The following UBN2 variants were observed in gnomAD, a reference collection of about 807,000 sequenced individuals.
The protein encoded by UBN2 is ubinuclein-2.
Under a neutral mutation model 120.2 loss-of-function variants are expected in UBN2, and 35 were observed. That is an observed-to-expected ratio of 0.29 (90% CI 0.22 to 0.39). The LOEUF (loss-of-function observed/expected upper bound fraction) is 0.39. Among genes scored for constraint, UBN2 ranks in the 10% least tolerant of loss-of-function variants. The pLI is 1.00. For synonymous variants in UBN2, 661 were observed against 648.7 expected (o/e 1.02, Z -0.29); for missense variants, 1,693 against 1,663.2 (o/e 1.02, Z -0.31).
chr7:139,314,234 A>C, the UBN2 span, among the ~76,000 whole-genome samples: 1 of 150,128 alleles, frequency 6.7e-6, no homozygotes, highest in African/African-American at 2.4e-5. Context: ...AGGCAGGCGG[A>C]TCACAAGGTC....
At chr7:139,265,526 C>A (rs768717515) in intron 6 of UBN2, among the ~76,000 whole-genome samples, 35 of 152,082 alleles carry the variant, frequency 2.3e-4, no homozygotes, top group Non-Finnish European at 4.1e-4. Flanking sequence ...TATCCATATT[C>A]TAATCCTTGG....
Position 139,305,359 on chromosome 7 carries a change from G to A in UBN2, c.*7523G>A, listed in dbSNP as rs542217386. 5 of 152,280 alleles carry A rather than the reference G, an allele frequency of 3.3e-5. No individual in the cohort carries two copies. In the East Asian group the frequency reaches 9.6e-4, roughly 29 times the overall value. 9.4% of individuals were successfully genotyped at this position (152,280 alleles called of 1,614,324 possible). On this transcript the variant is annotated 3_prime_UTR_variant, in exon 18 of 18. Transcript: ENST00000473989. ...CACTCACTCTGGCAACCTATCCTGT[G>A]TCCCCATAGAACTGAGAAGTAAAGC...
chr7:139,259,433 A>G, intron 5 of UBN2, 63 bp downstream of exon 5: 1 of 1,586,340 alleles, frequency 6.3e-7, no homozygotes, highest in East Asian at 2.2e-5. Flanking sequence ...TCCCTTTAGA[A>G]AGATATACTT....
At position 139,237,040 on chromosome 7, in the gene UBN2, T is replaced by A. The variant is rs937837491; in HGVS notation, c.504T>A (p.Asp168Glu). Residue 168 changes from aspartate (D) to glutamate (E), a missense_variant, in exon 2 of 18, where the codon GAT becomes GAA. Around this residue, in one of 5 missense-constraint regions of UBN2, gnomAD observed 663 missense variants for 591.2 expected, o/e 1.12. Transcript: ENST00000473989. Reference sequence around the variant, plus strand: ...TTCACACAGAAGACCCATTTAATGATGAACATCAGGAGAGGCAAGAGGTGG... The same window carrying A: ...TTCACACAGAAGACCCATTTAATGAAGAACATCAGGAGAGGCAAGAGGTGG... Reference protein sequence around the residue: ...KLIHTEDPFNDEHQERQEVEM... With the variant: ...KLIHTEDPFNEEHQERQEVEM... The A allele has an allele frequency of 1.9e-6, 3 of 1,611,196 alleles. No homozygotes were observed. Among genetic ancestry groups the A allele is most frequent in the Admixed American group, 1.7e-5 (1 of 59,854 alleles).
At chr7:139,263,841 T>C (rs529703200) in intron 6 of UBN2, among the ~76,000 whole-genome samples, 90 of 152,266 alleles carry the variant, frequency 5.9e-4, no homozygotes, top group African/African-American at 2.0e-3. Context: ...ATGACATTTT[T>C]GTTTATATAC....
intron 13 of UBN2, among the ~76,000 whole-genome samples, chr7:139,280,717 C>T (rs530571190): frequency 6.6e-6 from 1 of 152,328 alleles, no homozygotes; most frequent in African/African-American, 2.4e-5. Context: ...GCGATCTCGG[C>T]TCACTGCAAC....
chr7:139,268,292 ATT>A (rs200304205), intron 7 of UBN2, among the ~76,000 whole-genome samples: 1 of 149,958 alleles, frequency 6.7e-6, no homozygotes, highest in African/African-American at 2.4e-5. Flanking sequence ...TCTGAGTTGA[ATT>A]TTTTTTTTCC....
At chr7:139,317,471 A>G in the UBN2 span, among the ~76,000 whole-genome samples, 3 of 151,716 alleles carry the variant, frequency 2.0e-5, no homozygotes, top group Admixed American at 1.3e-4. Context: ...ATTTTTTAAT[A>G]CGTTCTCTTA....
chr7:139,274,688 A>C (rs1339532477), intron 11 of UBN2, among the ~76,000 whole-genome samples: 1 of 151,680 alleles, frequency 6.6e-6, no homozygotes, highest in Admixed American at 6.6e-5. Context: ...CTTGAACCCC[A>C]GAGGTGGAGG....
rs769147515 is a variant in UBN2 at position 139,258,467 on chromosome 7, CTT to C, written c.664-16_664-15del. On this transcript the variant is annotated intron_variant, in intron 3 of 17. Transcript: ENST00000473989. ...TAAAGACAACAGGATATAGCGGAAA[CTT>C]TTTTGTTTTTTAATCTAGTATGATG... 4 of 1,533,140 alleles carry C rather than the reference CTT, an allele frequency of 2.6e-6. No individual in the cohort carries two copies. Among genetic ancestry groups the C allele is most frequent in the African/African-American group, 1.4e-5 (1 of 71,666 alleles). 95.0% of individuals were successfully genotyped at this position (1,533,140 alleles called of 1,614,324 possible). A position where few individuals can be genotyped will look rare whatever the true frequency, so the allele number is the denominator to read the frequency against.
rs756899864 is a variant in UBN2, at chr7:139,293,911, A to G, written c.3924A>G (p.Pro1308=). 2.5e-6 allele frequency: 4 copies of G among 1,614,164 alleles called. No individual in the cohort carries two copies. In the South Asian group the frequency reaches 3.3e-5, roughly 13 times the overall value. The change falls in exon 17 of 18, where the codon CCA becomes CCG. Residue 1308 remains proline, a synonymous_variant. Coordinates refer to ENST00000473989, the MANE Select transcript of UBN2 (RefSeq NM_173569.4). ...CAGATTTACTAAAGGGTTTACAGCCAGGAGGAGCTCAGCATGCAGCAACGC... is the reference window on the plus strand; with the variant it reads ...CAGATTTACTAAAGGGTTTACAGCCGGGAGGAGCTCAGCATGCAGCAACGC... ...LTQNLLKGLQ[P]GGAQHAATLS...
At chr7:139,247,083 G>A (rs966332799) in intron 2 of UBN2, among the ~76,000 whole-genome samples, 1 of 151,934 alleles carries the variant, frequency 6.6e-6, no homozygotes, top group African/African-American at 2.4e-5. Flanking sequence ...TGTAACAGTG[G>A]GGTTGTTAGG....
intron 5 of UBN2, among the ~76,000 whole-genome samples, chr7:139,261,003 GTA>G (rs1275743101): frequency 6.6e-6 from 1 of 152,198 alleles, no homozygotes; most frequent in African/African-American, 2.4e-5. Context: ...CTAGGAGGAA[GTA>G]ATAGCTAAAC....
rs1223130563 is a variant in UBN2 at position 139,283,861 on chromosome 7, A to G, written c.2956A>G (p.Thr986Ala). The G allele has an allele frequency of 1.2e-6, 2 of 1,613,786 alleles. No individual in the cohort carries two copies. The highest frequency in any genetic ancestry group is 1.3e-5 in the African/African-American group (1 of 74,790). The part of the protein sequence containing the change: ...KPLMYRLPLS[T>A]PSPGNGSQGS... ...ACTTATGTACCGCCTTCCCTTATCT[A>G]CCCCCTCACCTGGAAATGGTTCTCA... The change falls in exon 15 of 18, where the codon ACC (threonine) becomes GCC (alanine). Residue 986 changes from threonine (T) to alanine (A), a missense_variant. Transcript: ENST00000473989.
Position 139,297,902 on chromosome 7 carries a change from C to T in UBN2, c.*66C>T, listed in dbSNP as rs1798155679. 1 of 1,543,086 alleles carries T rather than the reference C, an allele frequency of 6.5e-7. No homozygotes were observed. The highest frequency in any genetic ancestry group is 1.7e-5 in the Admixed American group (1 of 59,802). ...ATGGAATCTACCTGATGGGAAAGTA[C>T]TTATGTGGTCATAGGGCTGCTGTTT... On this transcript the variant is annotated 3_prime_UTR_variant, in exon 18 of 18. Transcript: ENST00000473989.
At position 139,301,245 on chromosome 7, in the gene UBN2, A is replaced by G. The variant is rs940476645; in HGVS notation, c.*3409A>G. 3.3e-5 allele frequency: 5 copies of G among 152,138 alleles called. No homozygotes were observed. The highest frequency in any genetic ancestry group is 7.2e-5 in the African/African-American group (3 of 41,444). 9.4% of individuals were successfully genotyped at this position (152,138 alleles called of 1,614,324 possible). A position where few individuals can be genotyped will look rare whatever the true frequency, so the allele number is the denominator to read the frequency against. ...CCTGGTTGAAAACAACTTATTGGAC[A>G]TGATTTTTAACCCAGGATATTTTTT... On this transcript the variant is annotated 3_prime_UTR_variant, in exon 18 of 18. Coordinates refer to ENST00000473989, the MANE Select transcript of UBN2 (RefSeq NM_173569.4).
chr7:139,324,927 G>A, the UBN2 span, among the ~76,000 whole-genome samples: 89 of 151,862 alleles, frequency 5.9e-4, no homozygotes, highest in African/African-American at 1.3e-3. Context: ...CCGAGATTGC[G>A]CCACTGGACT....
intron 15 of UBN2, among the ~76,000 whole-genome samples, chr7:139,287,174 AAATT>A (rs1797815493): frequency 1.3e-5 from 2 of 152,204 alleles, no homozygotes; most frequent in African/African-American, 4.8e-5. Flanking sequence ...ACTCTTCTTA[AAATT>A]AATTCTTAAT....
intron 3 of UBN2, 97 bp from the exon 4 acceptor site, chr7:139,258,391 T>A: frequency 1.0e-6 from 1 of 961,836 alleles, no homozygotes; most frequent in Non-Finnish European, 1.4e-6. Flanking sequence ...GCAGTTAGGA[T>A]TTAAGGGAGA....
Sources: allele counts gnomAD v4.1 joint callset (sites outside exome capture counted in the v4.1 genomes callset), GRCh38; gene constraint gnomAD v4.1.1; regional missense constraint gnomAD v4.1.1; transcripts MANE v1.5; gene names NCBI Gene and HGNC (gene_info 2026-07-23, HGNC 2026-07-21).